UBE2A: variants seen among roughly 807,000 people sequenced by gnomAD.
The protein encoded by UBE2A is ubiquitin-conjugating enzyme E2 A.
For missense variants in UBE2A, 27 were observed against 125.8 expected (o/e 0.21, Z 3.76); for synonymous variants, 39 against 41.1 (o/e 0.95, Z 0.20).
rs562407550 is a variant in UBE2A at position 119,582,983 on chromosome X, T to C, written c.331-144T>C. On this transcript the variant is annotated intron_variant, in intron 5 of 5. Coordinates refer to ENST00000371558, the MANE Select transcript of UBE2A (RefSeq NM_003336.4). ...AAAAAGCCGCATATATTTTCCTAGC[T>C]ACTAGCAGATTCACATAACTCTGGG... 1.6e-5 allele frequency: 11 copies of C among 706,268 alleles called. No homozygotes were observed. The East Asian group carries it at 2.7e-4, about 17-fold the overall frequency. 58.2% of individuals were successfully genotyped at this position (706,268 alleles called of 1,213,427 possible).
chrX:119,574,811 C>G (rs2053402864), intron 1 of UBE2A, 56 bp downstream of exon 1: 1 of 1,191,051 alleles, frequency 8.4e-7, no homozygotes, highest in African/African-American at 1.7e-5. Flanking sequence ...CAGGGCGGGT[C>G]CCGAGGCGCG....
chrX:119,582,476 AG>A, intron 4 of UBE2A, 111 bp from the exon 5 acceptor site: 1 of 504,768 alleles, frequency 2.0e-6, no homozygotes, highest in South Asian at 2.9e-5. Context: ...GAAGCAACAT[AG>A]GAATCTTTAA....
intron 3 of UBE2A, among the ~76,000 whole-genome samples, chrX:119,579,318 T>C (rs1464762935): frequency 8.9e-6 from 1 of 112,179 alleles, no homozygotes; most frequent in East Asian, 2.8e-4. Context: ...TGCTTTGAAC[T>C]GTGAGTGTTT....
chrX:119,575,050 C>G, intron 2 of UBE2A, 69 bp downstream of exon 2: 2 of 1,162,630 alleles, frequency 1.7e-6, no homozygotes, highest in Non-Finnish European at 2.4e-6. Flanking sequence ...CGCTCCGGGG[C>G]GGGCCCCCCG....
intron 2 of UBE2A, 53 bp downstream of exon 2, chrX:119,575,034 G>A (rs1166139922): frequency 1.7e-6 from 2 of 1,183,939 alleles, no homozygotes; most frequent in Non-Finnish European, 2.3e-6. Context: ...GAGCAGCTTC[G>A]GTCTGCGCTC....
chrX:119,574,902 T>C lies in UBE2A; in HGVS notation c.46T>C (p.Leu16=). 1 of 1,211,180 alleles carries C rather than the reference T, an allele frequency of 8.3e-7. No individual in the cohort carries two copies. The highest frequency in any genetic ancestry group is 1.1e-6 in the Non-Finnish European group (1 of 895,036). ...RRRLMRDFKR[L]QEDPPAGVSG... Reference sequence around the variant, plus strand: ...GGACCCCTGTCTGTCTTCCCGAAGGTTGCAGGAGGATCCTCCAGCCGGAGT... The same window carrying C: ...GGACCCCTGTCTGTCTTCCCGAAGGCTGCAGGAGGATCCTCCAGCCGGAGT... The change falls in exon 2 of 6, where the codon TTG becomes CTG. Residue 16 remains leucine (L), a splice_region_variant and synonymous_variant. Coordinates refer to ENST00000371558, the MANE Select transcript of UBE2A (RefSeq NM_003336.4).
rs766410122 is a variant in UBE2A at position 119,574,922 on chromosome X, C to T, written c.66C>T (p.Ala22=). 8.3e-6 allele frequency: 10 copies of T among 1,210,732 alleles called. No individual in the cohort carries two copies. Among genetic ancestry groups the T allele is most frequent in the African/African-American group, 3.5e-5 (2 of 57,494 alleles). ...GAAGGTTGCAGGAGGATCCTCCAGC[C>T]GGAGTCAGCGGGGCTCCGTCCGAGA... The part of the protein sequence containing the change: ...DFKRLQEDPP[A]GVSGAPSENN... The change falls in exon 2 of 6, where the codon GCC becomes GCT. Residue 22 remains alanine (A), a synonymous_variant. Transcript: ENST00000371558.
chrX:119,581,952 G>A (rs1008447520), intron 4 of UBE2A, among the ~76,000 whole-genome samples: 5 of 112,166 alleles, frequency 4.5e-5, no homozygotes, highest in Admixed American at 1.9e-4. Flanking sequence ...TTCATTGGAC[G>A]CATATCAGAA....
At chrX:119,578,832 T>G (rs1007443352) in intron 3 of UBE2A, among the ~76,000 whole-genome samples, 1 of 111,950 alleles carries the variant, frequency 8.9e-6, no homozygotes, top group African/African-American at 3.2e-5. Flanking sequence ...TTCCTTACGA[T>G]GTCTTAGCCT....
rs1166803332 is a variant in UBE2A at position 119,583,905 on chromosome X, ACT to A, written c.*652_*653del. On this transcript the variant is annotated 3_prime_UTR_variant, in exon 6 of 6. Coordinates refer to ENST00000371558, the MANE Select transcript of UBE2A (RefSeq NM_003336.4). ...TCTTTGCAAGCTGCTGACTGGGCACACTCATGCCAAGTTTCAGAATTATTGGT... is the reference window on the plus strand; with the variant it reads ...TCTTTGCAAGCTGCTGACTGGGCACACATGCCAAGTTTCAGAATTATTGGT... 8.9e-6 allele frequency: 1 copy of A among 112,739 alleles called. No homozygotes were observed. The highest frequency in any genetic ancestry group is 3.2e-5 in the African/African-American group (1 of 30,870). 9.3% of individuals were successfully genotyped at this position (112,739 alleles called of 1,213,427 possible).
In UBE2A at chrX:119,575,706, C is replaced by T. The variant is rs916285520; in HGVS notation, c.151+306C>T. 2.0e-5 allele frequency: 6 copies of T among 296,023 alleles called. No homozygotes were observed. In the South Asian group the frequency reaches 2.3e-4, roughly 12 times the overall value. 24.4% of individuals were successfully genotyped at this position (296,023 alleles called of 1,213,427 possible). On this transcript the variant is annotated intron_variant, in intron 3 of 5. Coordinates refer to ENST00000371558, the MANE Select transcript of UBE2A (RefSeq NM_003336.4). Reference sequence around the variant, plus strand: ...TGGGCTGTAATTCTGCTAAATTCAGCCCTCCATCACTGAATTAGTATAAAC... The same window carrying T: ...TGGGCTGTAATTCTGCTAAATTCAGTCCTCCATCACTGAATTAGTATAAAC...
intron 3 of UBE2A, among the ~76,000 whole-genome samples, chrX:119,578,807 G>A (rs1380996766): frequency 2.7e-5 from 3 of 111,360 alleles, no homozygotes; most frequent in African/African-American, 9.8e-5. Context: ...CTGTATAGAT[G>A]GATTAATTGA....
intron 3 of UBE2A, chrX:119,575,614 A>AG: frequency 2.2e-6 from 1 of 448,759 alleles, no homozygotes; most frequent in Non-Finnish European, 3.8e-6. Flanking sequence ...TAAAAAAAAA[A>AG]TCTGTGTAAG....
At position 119,583,613 on chromosome X, in the gene UBE2A, AT is replaced by A. The variant is rs2053466904; in HGVS notation, c.*363del. 4.9e-6 allele frequency: 1 copy of A among 206,085 alleles called. No homozygotes were observed. Among genetic ancestry groups the A allele is most frequent in the African/African-American group, 2.9e-5 (1 of 33,905 alleles). 17.0% of individuals were successfully genotyped at this position (206,085 alleles called of 1,213,427 possible). A position where few individuals can be genotyped will look rare whatever the true frequency, so the allele number is the denominator to read the frequency against. The stretch of plus-strand genomic sequence containing the variant: ...TGCTTAGCTTGATGACCAGGATGTT[AT>A]TTTTAACAAAATGATTGCTGAAGTG... On this transcript the variant is annotated 3_prime_UTR_variant, in exon 6 of 6. Transcript: ENST00000371558.
chrX:119,578,502 TATAA>T (rs1187874077), intron 3 of UBE2A, among the ~76,000 whole-genome samples: 6 of 111,713 alleles, frequency 5.4e-5, no homozygotes, highest in African/African-American at 2.0e-4. Flanking sequence ...GTGTTTTAAA[TATAA>T]ATAAATCCTA....
chrX:119,582,226 G>C (rs763867483), intron 4 of UBE2A: 234 of 134,874 alleles, frequency 1.7e-3, no homozygotes, highest in African/African-American at 7.0e-3. Flanking sequence ...GTGATCTTTT[G>C]TTATTTCAGA....
chrX:119,583,485 A>G lies in UBE2A; in HGVS notation c.*230A>G, dbSNP rs766399836. 1.8e-5 allele frequency: 7 copies of G among 381,136 alleles called. No individual in the cohort carries two copies. The highest frequency in any genetic ancestry group is 1.5e-4 in the African/African-American group (6 of 39,290). 31.4% of individuals were successfully genotyped at this position (381,136 alleles called of 1,213,427 possible). A position where few individuals can be genotyped will look rare whatever the true frequency, so the allele number is the denominator to read the frequency against. Reference sequence around the variant, plus strand: ...CCTGGGTTACTTGCAAAAATTACTAATGCTTCAGTTTTTCTGTTGTATTTC... The same window carrying G: ...CCTGGGTTACTTGCAAAAATTACTAGTGCTTCAGTTTTTCTGTTGTATTTC... On this transcript the variant is annotated 3_prime_UTR_variant, in exon 6 of 6. Coordinates refer to ENST00000371558, the MANE Select transcript of UBE2A (RefSeq NM_003336.4).
intron 3 of UBE2A, chrX:119,580,694 T>G (rs1197983444): frequency 1.8e-5 from 2 of 112,571 alleles, no homozygotes; most frequent in Non-Finnish European, 3.8e-5. Context: ...TAAGTAAGTT[T>G]ATAACCTACT....
chrX:119,577,545 T>G (rs1437809867), intron 3 of UBE2A, among the ~76,000 whole-genome samples: 2 of 110,909 alleles, frequency 1.8e-5, no homozygotes, highest in Non-Finnish European at 3.8e-5. Context: ...TCAGGCTGAT[T>G]TGTTCTGTTG....
Sources: gnomAD v4.1 joint callset for allele counts (sites outside exome capture counted in the v4.1 genomes callset) on GRCh38, gnomAD v4.1.1 for gene constraint, MANE v1.5 for transcripts, NCBI Gene and HGNC (gene_info 2026-07-23, HGNC 2026-07-21) for gene names.